The following MED27 variants were observed in gnomAD, a reference collection of about 807,000 sequenced individuals.
The protein encoded by MED27 is mediator complex subunit 27, also known as mediator of RNA polymerase II transcription subunit 27.
Under a neutral mutation model 38.2 loss-of-function variants are expected in MED27, and 30 were observed. The ratio of observed to expected loss-of-function variants is 0.79; its 90% CI spans 0.59 to 1.07. The LOEUF (loss-of-function observed/expected upper bound fraction) is 1.07. Among genes scored for constraint, MED27 ranks in the 50% least tolerant of loss-of-function variants. The probability of loss-of-function intolerance (pLI) is 0.00; values close to 1 mark genes in which losing one functional copy is unlikely to be tolerated. For synonymous variants in MED27, 122 were observed against 153.5 expected (o/e 0.79, Z 1.52); for missense variants, 289 against 397.5 (o/e 0.73, Z 2.32).
chr9:131,967,904 G>A (rs1305837638), intron 3 of MED27, among the ~76,000 whole-genome samples: 3 of 147,604 alleles, frequency 2.0e-5, no homozygotes, highest in Non-Finnish European at 3.0e-5. Context: ...TGCAAGCTCC[G>A]TCTCCTGGGT....
Position 131,880,043 on chromosome 9 carries a change from C to T in MED27, c.723+4015G>A, listed in dbSNP as rs540986543. Among the ~76,000 whole-genome samples the T allele has an allele frequency of 1.3e-4, 20 of 152,382 alleles. No individual in the cohort carries two copies. The South Asian group carries it at 3.5e-3, about 27-fold the overall frequency. ...CCCACCTCTGCACGTAGTGCAGGGC[C>T]TGGCAGTGGCACAGGGAGGTCTACC... is the stretch of plus-strand genomic sequence containing the variant. On this transcript the variant is annotated intron_variant, in intron 6 of 7. Transcript: ENST00000292035.
chr9:131,862,663 G>A lies in MED27; in HGVS notation c.801+400C>T, dbSNP rs1332386478. Among the ~76,000 whole-genome samples the A allele has an allele frequency of 1.3e-5, 2 of 152,126 alleles. No individual in the cohort carries two copies. Among genetic ancestry groups the A allele is most frequent in the East Asian group, 1.9e-4 (1 of 5,198 alleles). ...GCTGCTTTGGGGCTGCTATCATCTC[G>A]AGCTCCAACTCCGAAAATCGAAGGA... On this transcript the variant is annotated intron_variant, in intron 7 of 7. Coordinates refer to ENST00000292035, the MANE Select transcript of MED27 (RefSeq NM_004269.4). The surrounding 1 kb of genome is among the most constrained non-coding windows in gnomAD (Gnocchi z 4.6).
chr9:131,950,010 G>C (rs951997637), intron 3 of MED27, among the ~76,000 whole-genome samples: 1 of 151,866 alleles, frequency 6.6e-6, no homozygotes, highest in African/African-American at 2.4e-5. Context: ...TGTTCTTCTT[G>C]CATTACAAAT....
In MED27 at chr9:132,064,159, A is replaced by C. The variant is rs577369147; in HGVS notation, c.348+13283T>G. Among the ~76,000 whole-genome samples the C allele has an allele frequency of 2.6e-5, 4 of 152,328 alleles. No homozygotes were observed. The South Asian group carries it at 8.3e-4, about 32-fold the overall frequency. On this transcript the variant is annotated intron_variant, in intron 2 of 7. Transcript: ENST00000292035. Reference sequence around the variant, plus strand: ...ATGCAGAATACCAAGTGTGACTTTAAATGGCAAGGTAGATAAATCTTGCTA... The same window carrying C: ...ATGCAGAATACCAAGTGTGACTTTACATGGCAAGGTAGATAAATCTTGCTA...
rs865899340 is a variant in MED27, at chr9:131,949,406, A to G, written c.480-9932T>C. ...AATCTCTCGTCAACTCTGGGAAGTA[A>G]GCAGGGCAAGCAGAAAACTCCTGTT... On this transcript the variant is annotated intron_variant, in intron 3 of 7. Transcript: ENST00000292035. 3.9e-5 allele frequency among the ~76,000 whole-genome samples: 6 copies of G among 152,260 alleles called. 1 individual carries two copies. In the Middle Eastern group the frequency reaches 0.014, roughly 345 times the overall value.
Position 132,062,699 on chromosome 9 carries a change from C to G in MED27, c.348+14743G>C, listed in dbSNP as rs1237388129. ...GTGGGGTGATCACAGCTCACTATAG[C>G]CTCAAACTCCTGGGCTCAAGTGATC... On this transcript the variant is annotated intron_variant, in intron 2 of 7. Coordinates refer to ENST00000292035, the MANE Select transcript of MED27 (RefSeq NM_004269.4). Among the ~76,000 whole-genome samples the G allele has an allele frequency of 2.0e-5, 3 of 152,036 alleles. No individual in the cohort carries two copies. The East Asian group carries it at 5.8e-4, about 29-fold the overall frequency.
At chr9:132,032,487 C>CA (rs1269355932) in intron 2 of MED27, among the ~76,000 whole-genome samples, 2 of 152,130 alleles carry the variant, frequency 1.3e-5, no homozygotes, top group African/African-American at 4.8e-5. Flanking sequence ...AATAGTTACA[C>CA]AGTTTCTGCT....
intron 4 of MED27, 96 bp from the exon 5 acceptor site, chr9:131,894,088 G>C: frequency 4.8e-6 from 4 of 826,696 alleles, no homozygotes; most frequent in Non-Finnish European, 8.3e-6. Flanking sequence ...AATCCAGTGA[G>C]ACTGGATTCA....
Position 131,863,120 on chromosome 9 carries a change from A to G in MED27, c.744T>C (p.Thr248=), listed in dbSNP as rs1366780991. ...VFQKVTDHAT[T]ALLHYQLPQM... ...GGGGCAGCTGATAGTGGAGCAGGGC[A>G]GTGGTGGCATGGTCTGTCACCTGAG... The change falls in exon 7 of 8, where the codon ACT becomes ACC. Residue 248 remains threonine (T), a synonymous_variant. Transcript: ENST00000292035. 6.2e-7 allele frequency: 1 copy of G among 1,614,196 alleles called. No homozygotes were observed. Among genetic ancestry groups the G allele is most frequent in the South Asian group, 1.1e-5 (1 of 91,084 alleles).
rs1829770267 is a variant in MED27 at position 131,893,884 on chromosome 9, C to T, written c.681+1G>A. The stretch of plus-strand genomic sequence containing the variant: ...AACACACAAGACTGCACAATGCTTA[C>T]CTTGCCATCTTCTGTGTAGACATTC... On this transcript the variant is annotated splice_donor_variant, in intron 5 of 7. Transcript: ENST00000292035. LOFTEE classifies it high-confidence loss of function. 1 of 1,610,848 alleles carries T rather than the reference C, an allele frequency of 6.2e-7. No individual in the cohort carries two copies. The highest frequency in any genetic ancestry group is 1.3e-5 in the African/African-American group (1 of 74,878).
chr9:131,971,684 G>T (rs927703774), intron 3 of MED27, among the ~76,000 whole-genome samples: 19 of 152,254 alleles, frequency 1.2e-4, no homozygotes, highest in African/African-American at 4.3e-4. Context: ...GTAATCTAGA[G>T]ATATTGCTTG....
chr9:132,040,620 A>T (rs966062032), intron 2 of MED27, among the ~76,000 whole-genome samples: 11 of 152,142 alleles, frequency 7.2e-5, no homozygotes, highest in African/African-American at 2.7e-4. Context: ...GCTTAACTAC[A>T]CCCAGACCTT....
chr9:131,979,987 A>C (rs1831695088), intron 3 of MED27, among the ~76,000 whole-genome samples: 1 of 152,186 alleles, frequency 6.6e-6, no homozygotes, highest in Non-Finnish European at 1.5e-5. Flanking sequence ...TCAGAACTTA[A>C]GCTCAAACCT....
rs1413831007 is a variant in MED27 at position 131,967,552 on chromosome 9, C to T, written c.480-28078G>A. ...TGTTGCCCAGGCTGGAGTGCAATGG[C>T]ACGATCTCAGCTCACTGCAACCTCG... is the stretch of plus-strand genomic sequence containing the variant. On this transcript the variant is annotated intron_variant, in intron 3 of 7. Coordinates refer to ENST00000292035, the MANE Select transcript of MED27 (RefSeq NM_004269.4). 2.6e-5 allele frequency among the ~76,000 whole-genome samples: 4 copies of T among 151,422 alleles called. No homozygotes were observed. The South Asian group carries it at 8.3e-4, about 32-fold the overall frequency.
chr9:131,993,764 A>G (rs1411042123), intron 3 of MED27, among the ~76,000 whole-genome samples: 1 of 152,168 alleles, frequency 6.6e-6, no homozygotes, highest in East Asian at 1.9e-4. Flanking sequence ...ATCCATTCCC[A>G]GCTGGGGCCA....
chr9:132,002,930 A>AAAAAAG (rs1460338361), intron 3 of MED27, among the ~76,000 whole-genome samples: 25 of 149,178 alleles, frequency 1.7e-4, no homozygotes, highest in East Asian at 5.8e-4. Flanking sequence ...AAAAAAAAAG[A>AAAAAAG]AAAAAGAAAA....
rs137928315 is a variant in MED27 at position 131,889,941 on chromosome 9, G to A, written c.681+3944C>T. Among the ~76,000 whole-genome samples the A allele has an allele frequency of 3.5e-4, 53 of 152,270 alleles. No homozygotes were observed. Among genetic ancestry groups the A allele is most frequent in the Non-Finnish European group, 6.2e-4 (42 of 68,032 alleles). On this transcript the variant is annotated intron_variant, in intron 5 of 7. Coordinates refer to ENST00000292035, the MANE Select transcript of MED27 (RefSeq NM_004269.4). The surrounding 1 kb of genome is among the most constrained non-coding windows in gnomAD (Gnocchi z 4.2). ...ACTCAGCAAACGCAGGCTGCGTCCC[G>A]GGAGCAGCGACGTCTCCAGCAACAA...
intron 3 of MED27, among the ~76,000 whole-genome samples, chr9:131,963,493 G>A (rs1564302063): frequency 6.6e-6 from 1 of 152,158 alleles, no homozygotes; most frequent in East Asian, 1.9e-4. Context: ...AAGTATTTAT[G>A]ACACTAACAG....
At chr9:131,934,338 C>CA (rs1434452983) in intron 4 of MED27, among the ~76,000 whole-genome samples, 15 of 152,124 alleles carry the variant, frequency 9.9e-5, no homozygotes, top group African/African-American at 3.6e-4. Context: ...AGTGAAGAGA[C>CA]AGTCCATAGA....
Sources: allele counts gnomAD v4.1 joint callset (sites outside exome capture counted in the v4.1 genomes callset), GRCh38; gene constraint gnomAD v4.1.1; non-coding constraint Gnocchi (gnomAD v3.1); transcripts MANE v1.5; gene names NCBI Gene and HGNC (gene_info 2026-07-23, HGNC 2026-07-21).